Variants in SEPTIN3 observed in about 807,000 individuals in gnomAD.
The protein encoded by SEPTIN3 is neuronal-specific septin-3.
A neutral mutation model predicts 45.1 loss-of-function variants in SEPTIN3; 15 were observed. The ratio of observed to expected loss-of-function variants is 0.33; its 90% confidence interval spans 0.22 to 0.51. The LOEUF (loss-of-function observed/expected upper bound fraction) is 0.51. Among genes scored for constraint, SEPTIN3 ranks in the 20% least tolerant of loss-of-function variants. The probability of loss-of-function intolerance (pLI) is 0.97; values close to 1 mark genes in which losing one functional copy is unlikely to be tolerated. For synonymous variants in SEPTIN3, 148 were observed against 164.8 expected (o/e 0.90, Z 0.78); for missense variants, 289 against 457.2 (o/e 0.63, Z 3.35).
At chr22:41,987,582 T>TG (rs1247748370) in intron 5 of SEPTIN3, 40 bp from the exon 6 acceptor site, 1 of 1,592,122 alleles carries the variant, frequency 6.3e-7, no homozygotes, top group Admixed American at 1.7e-5. Context: ...CCCTAGGTCT[T>TG]GTTCTTCTGA....
At chr22:41,983,317 A>G in intron 3 of SEPTIN3, among the ~76,000 whole-genome samples, 1 of 152,228 alleles carries the variant, frequency 6.6e-6, no homozygotes, top group East Asian at 1.9e-4. Flanking sequence ...ACCAGTAGCA[A>G]ATGGGTCAGG....
intron 1 of SEPTIN3, among the ~76,000 whole-genome samples, 175 bp from the exon 2 acceptor site, chr22:41,971,299 C>T (rs943368434): frequency 2.0e-5 from 3 of 152,050 alleles, no homozygotes; most frequent in Non-Finnish European, 2.9e-5. Context: ...AGGTAGGAGC[C>T]GTAGGAGGAC....
At chr22:41,978,667 G>T (rs2078069691) in intron 2 of SEPTIN3, among the ~76,000 whole-genome samples, 1 of 152,196 alleles carries the variant, frequency 6.6e-6, no homozygotes, top group African/African-American at 2.4e-5. Flanking sequence ...GGGCCCTCAA[G>T]GGCAACAACC....
rs2146733169 is a variant in SEPTIN3 at position 41,996,358 on chromosome 22, A to G, written c.2506-544A>G. The G allele has an allele frequency of 4.1e-6, 4 of 985,556 alleles. No homozygotes were observed. The South Asian group carries it at 1.4e-4, about 35-fold the overall frequency. The allele number at this position is 985,556 out of a possible 1,614,324, so 61.1% of individuals were successfully genotyped here. ...GAAAACACTAAGTGAAACTGTTTAC[A>G]ATAACCTCATACAACCTTCTGTCCC... On this transcript the variant is annotated intron_variant, in intron 11 of 11. Coordinates refer to ENST00000644076, the MANE Select transcript of SEPTIN3 (RefSeq NM_001363845.2).
rs1412740815 is a variant in SEPTIN3, at chr22:41,981,771, C to A, written c.1631C>A (p.Thr544Asn). 1 of 1,613,970 alleles carries A rather than the reference C, an allele frequency of 6.2e-7. No homozygotes were observed. The highest frequency in any genetic ancestry group is 1.3e-5 in the African/African-American group (1 of 74,934). The change falls in exon 3 of 12, where the codon ACC (threonine) becomes AAC (asparagine). Residue 544 changes from threonine to asparagine, a missense_variant. By Grantham distance (65) the Thr-to-Asn change is moderately conservative. Transcript: ENST00000644076. ...SNLLGYIGID[T>N]IIEQMRKKTM... Reference sequence around the variant, plus strand: ...CTGCTGGGCTACATCGGCATCGACACCATCATCGAGCAGATGCGCAAGAAG... The same window carrying A: ...CTGCTGGGCTACATCGGCATCGACAACATCATCGAGCAGATGCGCAAGAAG...
intron 7 of SEPTIN3, among the ~76,000 whole-genome samples, chr22:41,990,853 CAG>C (rs1159774754): frequency 1.3e-5 from 2 of 151,654 alleles, no homozygotes; most frequent in Admixed American, 6.6e-5. Context: ...CACCTAAGGT[CAG>C]GAGTTCGAGA....
In SEPTIN3 at chr22:41,997,493, G is replaced by C. The variant is rs1920990743; in HGVS notation, c.*526G>C. 6.5e-6 allele frequency: 1 copy of C among 152,750 alleles called. No homozygotes were observed. Among genetic ancestry groups the C allele is most frequent in the South Asian group, 2.1e-4 (1 of 4,864 alleles). The allele number at this position is 152,750 out of a possible 1,614,324, so 9.5% of individuals were successfully genotyped here. A position where few individuals can be genotyped will look rare whatever the true frequency, so the allele number is the denominator to read the frequency against. On this transcript the variant is annotated 3_prime_UTR_variant, in exon 12 of 12. Transcript: ENST00000644076. The stretch of plus-strand genomic sequence containing the variant: ...GTCACTACAGATGTTGGGGAGCAAG[G>C]GCTAGGATCACTTTTTAAAAAATCA...
chr22:41,987,553 A>G lies in SEPTIN3; in HGVS notation c.1908-69A>G, dbSNP rs887170433. On this transcript the variant is annotated intron_variant, in intron 5 of 11. Transcript: ENST00000644076. ...ACATGAATGTAAGGAGATTGCTACC[A>G]GATCATGCCTAAGCTGAGCCCTAGG... 3.3e-6 allele frequency: 5 copies of G among 1,531,290 alleles called. No individual in the cohort carries two copies. The African/African-American group carries it at 4.1e-5, about 13-fold the overall frequency. 94.9% of individuals were successfully genotyped at this position (1,531,290 alleles called of 1,614,324 possible).
chr22:41,989,785 AC>A (rs2078273817), intron 7 of SEPTIN3, 101 bp downstream of exon 7: 4 of 705,270 alleles, frequency 5.7e-6, no homozygotes, highest in Admixed American at 2.1e-5. Flanking sequence ...CTTCACCCCC[AC>A]CCTCAACCCT....
intron 3 of SEPTIN3, 110 bp downstream of exon 3, chr22:41,981,946 T>A: frequency 1.0e-6 from 1 of 967,492 alleles, no homozygotes; most frequent in Non-Finnish European, 1.6e-6. Flanking sequence ...GAGCTGTTTG[T>A]AGAAGGGAGA....
intron 4 of SEPTIN3, 63 bp downstream of exon 4, chr22:41,986,175 A>C: frequency 6.3e-7 from 1 of 1,584,982 alleles, no homozygotes; most frequent in South Asian, 1.1e-5. Flanking sequence ...GGAAAGGGGA[A>C]AGAATGGGGC....
At position 41,981,467 on chromosome 22, in the gene SEPTIN3, T is replaced by C. The variant is rs1332836827; in HGVS notation, c.1505-178T>C. 13 of 569,574 alleles carry C rather than the reference T, an allele frequency of 2.3e-5. No individual in the cohort carries two copies. In the East Asian group the frequency reaches 3.7e-4, roughly 16 times the overall value. 35.3% of individuals were successfully genotyped at this position (569,574 alleles called of 1,614,324 possible). ...TCTGTGTTCTTAGTTGAGTTCTTTC[T>C]CCTCCAGGCCTCAGTCTCTTTGTCT... is the stretch of plus-strand genomic sequence containing the variant. On this transcript the variant is annotated intron_variant, in intron 2 of 11. Coordinates refer to ENST00000644076, the MANE Select transcript of SEPTIN3 (RefSeq NM_001363845.2).
chr22:41,981,044 A>T (rs1218420611), intron 2 of SEPTIN3, among the ~76,000 whole-genome samples: 1 of 152,204 alleles, frequency 6.6e-6, no homozygotes, highest in Non-Finnish European at 1.5e-5. Flanking sequence ...GAAGCAGCCG[A>T]GGTCAGTGAC....
intron 7 of SEPTIN3, among the ~76,000 whole-genome samples, chr22:41,991,151 C>T (rs2078308652): frequency 6.6e-6 from 1 of 152,098 alleles, no homozygotes; most frequent in Admixed American, 6.5e-5. Flanking sequence ...GAAGGCAAGA[C>T]TTAAGTCGAC....
chr22:41,988,809 C>G (rs958944477), intron 6 of SEPTIN3, among the ~76,000 whole-genome samples: 4 of 152,036 alleles, frequency 2.6e-5, no homozygotes, highest in Admixed American at 1.3e-4. Context: ...GGAGACCTGT[C>G]AAGAAGTAGT....
chr22:41,973,153 G>A (rs1466697910), intron 2 of SEPTIN3, among the ~76,000 whole-genome samples, 157 bp downstream of exon 2: 1 of 152,102 alleles, frequency 6.6e-6, no homozygotes, highest in Non-Finnish European at 1.5e-5. Context: ...GGGGTTGTAG[G>A]GCCAGACATA....
intron 2 of SEPTIN3, among the ~76,000 whole-genome samples, chr22:41,974,604 A>G (rs2077995964): frequency 6.6e-6 from 1 of 150,588 alleles, no homozygotes; most frequent in Non-Finnish European, 1.5e-5. Flanking sequence ...CAGAGCTTGC[A>G]GTGAGCCGAG....
intron 6 of SEPTIN3, 48 bp from the exon 7 acceptor site, chr22:41,989,519 T>G (rs1323567205): frequency 7.9e-7 from 1 of 1,265,456 alleles, no homozygotes; most frequent in East Asian, 2.3e-5. Context: ...GTGGCTGAGT[T>G]GGGGAGGGCA....
intron 3 of SEPTIN3, among the ~76,000 whole-genome samples, chr22:41,984,331 G>A (rs960435875): frequency 1.3e-5 from 2 of 152,138 alleles, no homozygotes; most frequent in African/African-American, 2.4e-5. Flanking sequence ...GAATTCACCA[G>A]CCCAGTATTT....
Sources: gnomAD v4.1 joint callset for allele counts (sites outside exome capture counted in the v4.1 genomes callset) on GRCh38, gnomAD v4.1.1 for gene constraint, MANE v1.5 for transcripts, NCBI Gene and HGNC (gene_info 2026-07-23, HGNC 2026-07-21) for gene names.